The following ARL5A variants were observed in gnomAD, a reference collection of about 807,000 sequenced individuals.
The protein encoded by ARL5A is ADP-ribosylation factor-like protein 5A.
A neutral mutation model predicts 25.9 loss-of-function variants in ARL5A; 18 were observed. The ratio of observed to expected loss-of-function variants is 0.69; its 90% CI spans 0.48 to 1.03. ARL5A has a LOEUF of 1.03. ARL5A is among the 50% of genes least tolerant of loss of function. The pLI, the probability that ARL5A is intolerant of heterozygous loss-of-function variation, is 0.00. For synonymous variants in ARL5A, 61 were observed against 67.5 expected, an observed-to-expected ratio of 0.90 and a Z score of 0.47; for missense variants, 170 against 211.9, an observed-to-expected ratio of 0.80 and a Z score of 1.23.
intron 4 of ARL5A, 151 bp from the exon 5 acceptor site, chr2:151,807,123 T>C: frequency 1.5e-6 from 1 of 687,132 alleles, no homozygotes; most frequent in Non-Finnish European, 2.4e-6. Context: ...TAACACATTT[T>C]TTATACTTGT....
rs536434911 is a variant in ARL5A at position 151,828,191 on chromosome 2, C to T, written c.-15G>A. The T allele has an allele frequency of 2.0e-4, 279 of 1,370,582 alleles. 2 individuals carry two copies. In the South Asian group the frequency reaches 3.3e-3, roughly 16 times the overall value. The allele number at this position is 1,370,582 out of a possible 1,614,324, so 84.9% of individuals were successfully genotyped here. ...AGAATTCCCATTCTCGGGCAGCGGACCCCCCCCCTCCAGACACCCGGGCCG... is the reference window on the plus strand; with the variant it reads ...AGAATTCCCATTCTCGGGCAGCGGATCCCCCCCCTCCAGACACCCGGGCCG... On this transcript the variant is annotated 5_prime_UTR_variant, in exon 1 of 6. Transcript: ENST00000295087.
chr2:151,817,760 G>A (rs1424397672), intron 1 of ARL5A, among the ~76,000 whole-genome samples: 3 of 152,176 alleles, frequency 2.0e-5, no homozygotes, highest in African/African-American at 7.2e-5. Flanking sequence ...CCAGCACTTT[G>A]GGAGGCTGAG....
chr2:151,818,448 T>C lies in ARL5A; in HGVS notation c.47-3249A>G, dbSNP rs532873381. 2.8e-3 allele frequency among the ~76,000 whole-genome samples: 419 copies of C among 152,276 alleles called. 3 individuals are homozygous for C. The highest frequency in any genetic ancestry group is 3.9e-3 in the Non-Finnish European group (265 of 68,016). ...TGTGCACCACCACGCCTGGATATTT[T>C]GTTTCTTTTGTAGAGATGGGATGTC... On this transcript the variant is annotated intron_variant, in intron 1 of 5. Transcript: ENST00000295087.
At chr2:151,826,036 C>A (rs750286959) in intron 1 of ARL5A, among the ~76,000 whole-genome samples, 7 of 152,082 alleles carry the variant, frequency 4.6e-5, no homozygotes, top group Non-Finnish European at 7.4e-5. Flanking sequence ...GCAGGAGAAT[C>A]GCTTGAACCC....
intron 4 of ARL5A, among the ~76,000 whole-genome samples, chr2:151,808,027 T>C (rs935287288): frequency 1.3e-5 from 2 of 152,194 alleles, no homozygotes; most frequent in East Asian, 3.8e-4. Context: ...TGATAATCTG[T>C]TCAAAATCAC....
chr2:151,818,440 G>A (rs1458967853), intron 1 of ARL5A, among the ~76,000 whole-genome samples: 3 of 152,084 alleles, frequency 2.0e-5, no homozygotes, highest in Non-Finnish European at 4.4e-5. Flanking sequence ...CACCACGCCT[G>A]GATATTTTGT....
chr2:151,824,832 G>A (rs188365786), intron 1 of ARL5A, among the ~76,000 whole-genome samples: 42 of 152,038 alleles, frequency 2.8e-4, no homozygotes, highest in East Asian at 7.7e-4. Context: ...AAATAACTCC[G>A]GCACTACGTA....
chr2:151,817,866 G>A (rs565101492), intron 1 of ARL5A, among the ~76,000 whole-genome samples: 69 of 152,282 alleles, frequency 4.5e-4, no homozygotes, highest in Middle Eastern at 6.8e-3. Flanking sequence ...TTAGCTGGGC[G>A]TGGTGGCACA....
At chr2:151,821,045 C>T (rs3768656) in intron 1 of ARL5A, among the ~76,000 whole-genome samples, 14,514 of 152,154 alleles carry the variant, frequency 0.095, 893 homozygotes, top group African/African-American at 0.17. Flanking sequence ...GCTAGCTAAG[C>T]CTTAGCCCAA....
At position 151,821,901 on chromosome 2, in the gene ARL5A, G is replaced by A. The variant is rs189626654; in HGVS notation, c.46+6230C>T. Among the ~76,000 whole-genome samples, 476 of 150,934 alleles carry A rather than the reference G, an allele frequency of 3.2e-3. 2 individuals carry two copies. Among genetic ancestry groups the A allele is most frequent in the Middle Eastern group, 0.02 (6 of 294 alleles). On this transcript the variant is annotated intron_variant, in intron 1 of 5. Transcript: ENST00000295087. ...GTCTCGCCCTGTCGCCCAGGCTGGA[G>A]TGCAATGGCATGATCTCGGCTCACT... is the stretch of plus-strand genomic sequence containing the variant.
chr2:151,815,191 C>A lies in ARL5A; in HGVS notation c.55G>T (p.Val19Phe), dbSNP rs757088388. Residue 19 changes from valine (V) to phenylalanine (F), a missense_variant, in exon 2 of 6, where the codon GTT (valine) becomes TTT (phenylalanine). Val to Phe is a conservative substitution (Grantham distance 50). Coordinates refer to ENST00000295087, the MANE Select transcript of ARL5A (RefSeq NM_012097.4). ...WRLFNHQEHK[V>F]IIVGLDNAGK... ...GCATTATCCAGCCCAACAATGATAA[C>A]TTTGTGCTCTGAAATAGAGAAAACA... is the stretch of plus-strand genomic sequence containing the variant. 1 of 1,604,984 alleles carries A rather than the reference C, an allele frequency of 6.2e-7. No homozygotes were observed. The highest frequency in any genetic ancestry group is 8.5e-7 in the Non-Finnish European group (1 of 1,176,376).
rs1291409929 is a variant in ARL5A, at chr2:151,799,409, C to CT, written c.*3866dup. ...TTCAAGAATGCCCTTAGATTATAGACTACATATAAATTTGGTTTGGCATCT... is the reference window on the plus strand; with the variant it reads ...TTCAAGAATGCCCTTAGATTATAGACTTACATATAAATTTGGTTTGGCATCT... On this transcript the variant is annotated 3_prime_UTR_variant, in exon 6 of 6. Coordinates refer to ENST00000295087, the MANE Select transcript of ARL5A (RefSeq NM_012097.4). The CT allele has an allele frequency of 6.6e-6, 1 of 151,976 alleles. No homozygotes were observed. The highest frequency in any genetic ancestry group is 1.5e-5 in the Non-Finnish European group (1 of 67,972). 9.4% of individuals were successfully genotyped at this position (151,976 alleles called of 1,614,324 possible).
rs947127594 is a variant in ARL5A at position 151,798,929 on chromosome 2, G to A, written c.*4347C>T. On this transcript the variant is annotated 3_prime_UTR_variant, in exon 6 of 6. Coordinates refer to ENST00000295087, the MANE Select transcript of ARL5A (RefSeq NM_012097.4). The stretch of plus-strand genomic sequence containing the variant: ...GATATCTAGCAAGCAACAGCATAAA[G>A]ATTTAAACTTTAGTTTTCAGAACAA... 1 of 152,190 alleles carries A rather than the reference G, an allele frequency of 6.6e-6. No individual in the cohort carries two copies. The allele number at this position is 152,190 out of a possible 1,614,324, so 9.4% of individuals were successfully genotyped here.
intron 5 of ARL5A, among the ~76,000 whole-genome samples, chr2:151,805,111 C>T (rs945274666): frequency 6.6e-6 from 1 of 151,870 alleles, no homozygotes; most frequent in Non-Finnish European, 1.5e-5. Flanking sequence ...CATGCTTTTG[C>T]TTGACAAAGA....
chr2:151,805,165 T>C (rs927923309), intron 5 of ARL5A, among the ~76,000 whole-genome samples: 10 of 152,110 alleles, frequency 6.6e-5, no homozygotes, highest in Non-Finnish European at 4.4e-5. Context: ...TAACATATTT[T>C]TACTTAAATG....
At chr2:151,824,526 C>CA (rs1439579085) in intron 1 of ARL5A, among the ~76,000 whole-genome samples, 1 of 148,254 alleles carries the variant, frequency 6.7e-6, no homozygotes, top group Non-Finnish European at 1.5e-5. Flanking sequence ...AAGCCAGAAA[C>CA]AGAGGTGGCT....
chr2:151,815,497 T>C (rs181632373), intron 1 of ARL5A, among the ~76,000 whole-genome samples: 144 of 152,316 alleles, frequency 9.5e-4, no homozygotes, highest in African/African-American at 3.0e-3. Context: ...CTCAGTAAAG[T>C]AGACCAAACA....
Position 151,810,215 on chromosome 2 carries a change from C to A in ARL5A, c.339+2142G>T, listed in dbSNP as rs187732053. 2.4e-4 allele frequency among the ~76,000 whole-genome samples: 36 copies of A among 152,268 alleles called. 1 individual carries two copies. The East Asian group carries it at 6.6e-3, about 28-fold the overall frequency. On this transcript the variant is annotated intron_variant, in intron 4 of 5. Transcript: ENST00000295087. ...TAATGAGTTCTAAAGTTGTATACTT[C>A]ATTTATGATAAAACTTTGAAAATTA...
chr2:151,808,079 T>A (rs567281455), intron 4 of ARL5A, among the ~76,000 whole-genome samples: 6 of 152,252 alleles, frequency 3.9e-5, no homozygotes, highest in African/African-American at 7.2e-5. Context: ...ATACACAAAA[T>A]TTTTTTAAGT....
Sources: allele counts gnomAD v4.1 joint callset (sites outside exome capture counted in the v4.1 genomes callset), GRCh38; gene constraint gnomAD v4.1.1; transcripts MANE v1.5; gene names NCBI Gene and HGNC (gene_info 2026-07-23, HGNC 2026-07-21).